The following TBCK variants were observed in gnomAD, a reference collection of about 807,000 sequenced individuals.
The protein encoded by TBCK is TBC1 domain containing kinase, also known as TBC domain-containing protein kinase-like protein.
A neutral mutation model predicts 113.4 loss-of-function variants in TBCK; 99 were observed. The observed-to-expected ratio is 0.87, with a 90% CI of 0.74 to 1.03. The LOEUF (loss-of-function observed/expected upper bound fraction) is 1.03, where lower values mean the gene tolerates loss of function less well. TBCK is among the 50% of genes least tolerant of loss of function. The pLI is 0.00. For synonymous variants in TBCK, 369 were observed against 370.8 expected, an observed-to-expected ratio of 1.00 and a Z score of 0.05; for missense variants, 1,045 against 1,061.3, an observed-to-expected ratio of 0.98 and a Z score of 0.21.
At chr4:106,184,419 G>C (rs1033200983) in intron 22 of TBCK, among the ~76,000 whole-genome samples, 1 of 151,948 alleles carries the variant, frequency 6.6e-6, no homozygotes, top group Non-Finnish European at 1.5e-5. Context: ...ACCAGGACAA[G>C]GGAGTAATAC....
chr4:106,167,739 A>G (rs576451352), intron 23 of TBCK, among the ~76,000 whole-genome samples: 22 of 151,900 alleles, frequency 1.4e-4, no homozygotes, highest in African/African-American at 5.1e-4. Flanking sequence ...GAACCATTCT[A>G]TGCCCATAAA....
intron 23 of TBCK, among the ~76,000 whole-genome samples, chr4:106,156,761 T>G (rs1384674602): frequency 6.6e-6 from 1 of 152,104 alleles, no homozygotes; most frequent in African/African-American, 2.4e-5. Flanking sequence ...CACTCTTCAG[T>G]GTAGTTTCCC....
chr4:106,297,554 T>C (rs1766440032), intron 2 of TBCK, among the ~76,000 whole-genome samples: 1 of 152,202 alleles, frequency 6.6e-6, no homozygotes, highest in South Asian at 2.1e-4. Context: ...AATTCCTATT[T>C]CTTTCCAACA....
At chr4:106,264,457 T>C (rs1762799425) in intron 3 of TBCK, among the ~76,000 whole-genome samples, 1 of 151,944 alleles carries the variant, frequency 6.6e-6, no homozygotes, top group Admixed American at 6.6e-5. Flanking sequence ...TGAGCAAAGA[T>C]TAAAGTGACA....
At chr4:106,224,368 C>T (rs1439608795) in intron 19 of TBCK, among the ~76,000 whole-genome samples, 1 of 151,340 alleles carries the variant, frequency 6.6e-6, no homozygotes, top group Non-Finnish European at 1.5e-5. Flanking sequence ...AAACTTTTAA[C>T]TTCCGGAAAG....
intron 22 of TBCK, among the ~76,000 whole-genome samples, chr4:106,191,011 A>G (rs1367146685): frequency 6.6e-6 from 1 of 152,230 alleles, no homozygotes; most frequent in East Asian, 1.9e-4. Flanking sequence ...AGCTCTCTAT[A>G]TCTATGGGTT....
chr4:106,091,083 A>C (rs1300120994), intron 25 of TBCK, among the ~76,000 whole-genome samples: 1 of 152,196 alleles, frequency 6.6e-6, no homozygotes, highest in Non-Finnish European at 1.5e-5. Flanking sequence ...ATAAAGAAGT[A>C]CCTGAGACTG....
At chr4:106,264,448 G>A (rs1274589657) in intron 3 of TBCK, among the ~76,000 whole-genome samples, 1 of 151,960 alleles carries the variant, frequency 6.6e-6, no homozygotes, top group South Asian at 2.1e-4. Context: ...GCAGTAGAAT[G>A]AGCAAAGATT....
chr4:106,179,414 C>T (rs372932571), intron 22 of TBCK, among the ~76,000 whole-genome samples: 36 of 151,966 alleles, frequency 2.4e-4, no homozygotes, highest in African/African-American at 8.0e-4. Context: ...TTTGCTGTAT[C>T]CCATATATTT....
intron 19 of TBCK, among the ~76,000 whole-genome samples, chr4:106,223,653 TATG>T (rs1367777167): frequency 6.6e-6 from 1 of 152,144 alleles, no homozygotes; most frequent in African/African-American, 2.4e-5. Flanking sequence ...CCCAGATTTA[TATG>T]ATATCTCCTC....
At position 106,247,286 on chromosome 4, in the gene TBCK, G is replaced by T. The variant is rs1334491972; in HGVS notation, c.784C>A (p.Pro262Thr). 3 of 1,610,646 alleles carry T rather than the reference G, an allele frequency of 1.9e-6. No homozygotes were observed. In the East Asian group the frequency reaches 6.7e-5, roughly 36 times the overall value. The change falls in exon 10 of 26, where the codon CCA (proline) becomes ACA (threonine). Residue 262 changes from proline to threonine, a missense_variant and splice_region_variant. Transcript: ENST00000394708. ...KCLTFHPSKR[P>T]TPDQLMKDKV... ...TCCTTCATTAATTGATCTGGGGTTG[G>T]CCTTGAGAACATTTAAAATACAGAG...
chr4:106,207,385 G>C (rs1755647573), intron 20 of TBCK, among the ~76,000 whole-genome samples: 2 of 152,138 alleles, frequency 1.3e-5, no homozygotes, highest in South Asian at 4.1e-4. Context: ...TCTTGAGTAG[G>C]AAACTCGGTT....
chr4:106,231,808 T>A (rs979507660), intron 17 of TBCK, 29 bp from the exon 18 acceptor site: 1 of 1,585,886 alleles, frequency 6.3e-7, no homozygotes, highest in African/African-American at 1.4e-5. Flanking sequence ...GAGAAAGAAG[T>A]CAAATAAATA....
intron 24 of TBCK, among the ~76,000 whole-genome samples, chr4:106,103,787 C>A (rs1741827064): frequency 6.6e-6 from 1 of 152,156 alleles, no homozygotes; most frequent in South Asian, 2.1e-4. Flanking sequence ...AAATACCACA[C>A]CTTCAGCTGA....
At chr4:106,065,949 T>C (rs1446809091) in intron 25 of TBCK, among the ~76,000 whole-genome samples, 14 of 152,130 alleles carry the variant, frequency 9.2e-5, no homozygotes, top group African/African-American at 3.4e-4. Flanking sequence ...AAAGGTTTTC[T>C]GATGTATTTA....
At chr4:106,219,465 T>TA (rs1256816354) in intron 19 of TBCK, among the ~76,000 whole-genome samples, 2 of 151,816 alleles carry the variant, frequency 1.3e-5, no homozygotes, top group Admixed American at 6.6e-5. Context: ...AAAGTAGAGA[T>TA]ACGGTAGGCA....
intron 24 of TBCK, among the ~76,000 whole-genome samples, chr4:106,114,019 T>G (rs1387055917): frequency 6.6e-6 from 1 of 152,154 alleles, no homozygotes. Context: ...ACTCCTTAAT[T>G]GGAAAAGAAT....
chr4:106,119,361 A>G (rs944302850), intron 23 of TBCK, among the ~76,000 whole-genome samples: 2 of 152,234 alleles, frequency 1.3e-5, no homozygotes, highest in Admixed American at 1.3e-4. Flanking sequence ...AAATCAATGT[A>G]TTTACAGCCA....
intron 23 of TBCK, among the ~76,000 whole-genome samples, chr4:106,131,902 T>A (rs1280316372): frequency 6.6e-6 from 1 of 152,200 alleles, no homozygotes; most frequent in Non-Finnish European, 1.5e-5. Context: ...AAGATCACTC[T>A]TGCTATGAAA....
Sources: allele counts gnomAD v4.1 joint callset (sites outside exome capture counted in the v4.1 genomes callset), GRCh38; gene constraint gnomAD v4.1.1; transcripts MANE v1.5; gene names NCBI Gene and HGNC (gene_info 2026-07-23, HGNC 2026-07-21).